NKAIN2: variants seen among roughly 807,000 people sequenced by gnomAD.
NKAIN2 encodes the protein sodium/potassium transporting ATPase interacting 2.
In NKAIN2, 14 loss-of-function variants were observed where a neutral mutation model predicts 32.6. The ratio of observed to expected loss-of-function variants is 0.43; its 90% confidence interval spans 0.28 to 0.67. NKAIN2 has a LOEUF of 0.67. NKAIN2 is among the 30% of genes least tolerant of loss of function. The pLI, the probability that NKAIN2 is intolerant of heterozygous loss-of-function variation, is 0.17. For synonymous variants in NKAIN2, 80 were observed against 87.2 expected (o/e 0.92, Z 0.46); for missense variants, 198 against 258.3 (o/e 0.77, Z 1.60).
intron 4 of NKAIN2, among the ~76,000 whole-genome samples, chr6:124,737,254 T>TGGTTA (rs1776993608): frequency 6.6e-6 from 1 of 151,824 alleles, no homozygotes; most frequent in Admixed American, 6.6e-5. Flanking sequence ...ATCACAGGGA[T>TGGTTA]GGTTACCTCC....
At chr6:124,579,597 A>G (rs1781451707) in intron 3 of NKAIN2, among the ~76,000 whole-genome samples, 2 of 152,132 alleles carry the variant, frequency 1.3e-5, no homozygotes, top group South Asian at 2.1e-4. Context: ...AATATCCTCA[A>G]AAGTGCAAAT....
At chr6:124,211,232 T>C (rs1474324875) in intron 1 of NKAIN2, among the ~76,000 whole-genome samples, 7 of 151,868 alleles carry the variant, frequency 4.6e-5, no homozygotes, top group Admixed American at 4.6e-4. Context: ...TCCTTCCTCA[T>C]GAGCAATATA....
At chr6:124,220,819 T>C (rs1376604650) in intron 1 of NKAIN2, among the ~76,000 whole-genome samples, 1 of 152,090 alleles carries the variant, frequency 6.6e-6, no homozygotes, top group Non-Finnish European at 1.5e-5. Flanking sequence ...TCCTGGGATA[T>C]ACTAGGAGCT....
At chr6:123,977,818 G>A (rs1778708261) in intron 1 of NKAIN2, among the ~76,000 whole-genome samples, 1 of 152,076 alleles carries the variant, frequency 6.6e-6, no homozygotes, top group Non-Finnish European at 1.5e-5. Context: ...GTATTTCTCT[G>A]TCTTGATTCA....
At chr6:123,871,604 G>A (rs1416729581) in intron 1 of NKAIN2, among the ~76,000 whole-genome samples, 1 of 152,072 alleles carries the variant, frequency 6.6e-6, no homozygotes, top group Non-Finnish European at 1.5e-5. Flanking sequence ...GAAAAAGGGG[G>A]CATAGGAGAT....
intron 1 of NKAIN2, among the ~76,000 whole-genome samples, chr6:123,967,339 A>G (rs1778129605): frequency 6.6e-6 from 1 of 152,242 alleles, no homozygotes; most frequent in African/African-American, 2.4e-5. Context: ...ATCAGTTGTC[A>G]GTATAATTGG....
intron 3 of NKAIN2, among the ~76,000 whole-genome samples, chr6:124,505,114 G>A (rs941618298): frequency 6.6e-5 from 10 of 152,130 alleles, no homozygotes; most frequent in African/African-American, 2.2e-4. Flanking sequence ...ATTCATACAA[G>A]ATAACATTTA....
intron 1 of NKAIN2, among the ~76,000 whole-genome samples, chr6:124,080,454 G>A (rs1334389226): frequency 6.6e-6 from 1 of 151,926 alleles, no homozygotes; most frequent in Non-Finnish European, 1.5e-5. Flanking sequence ...AATGTCACAG[G>A]TCTCACAGTT....
intron 2 of NKAIN2, among the ~76,000 whole-genome samples, chr6:124,302,082 C>T (rs907524453): frequency 3.9e-5 from 6 of 152,158 alleles, no homozygotes; most frequent in African/African-American, 1.4e-4. Context: ...TCATGGGGGC[C>T]ACTTCCCCCA....
In NKAIN2 at chr6:124,094,567, A is replaced by G. The variant is rs73563136; in HGVS notation, c.55-188438A>G. ...GAGTAAAGAAGATCAGAGATCAGTA[A>G]TTTGTTAGAATTTCAGCTTTAATTG... On this transcript the variant is annotated intron_variant, in intron 1 of 6. Transcript: ENST00000368417. 9.9e-3 allele frequency among the ~76,000 whole-genome samples: 1,504 copies of G among 152,236 alleles called. 20 individuals carry two copies. The highest frequency in any genetic ancestry group is 0.035 in the African/African-American group (1,434 of 41,556).
At chr6:123,968,323 G>A (rs964299075) in intron 1 of NKAIN2, among the ~76,000 whole-genome samples, 1 of 152,102 alleles carries the variant, frequency 6.6e-6, no homozygotes, top group African/African-American at 2.4e-5. Flanking sequence ...AGGAGCCACG[G>A]GTGCTATTAC....
intron 1 of NKAIN2, among the ~76,000 whole-genome samples, chr6:123,818,571 T>A (rs1307700074): frequency 6.6e-6 from 1 of 152,202 alleles, no homozygotes; most frequent in Non-Finnish European, 1.5e-5. Flanking sequence ...GAGATTTATC[T>A]TTTTAAATTA....
intron 2 of NKAIN2, among the ~76,000 whole-genome samples, chr6:124,318,190 A>G (rs150426675): frequency 6.6e-6 from 1 of 152,218 alleles, no homozygotes; most frequent in East Asian, 1.9e-4. Context: ...AAAAAATGCT[A>G]TTAGAGGACC....
At chr6:124,587,365 G>T (rs1207416634) in intron 3 of NKAIN2, among the ~76,000 whole-genome samples, 1 of 151,790 alleles carries the variant, frequency 6.6e-6, no homozygotes, top group East Asian at 1.9e-4. Context: ...AATTACAGGC[G>T]CATGCCACCA....
At chr6:124,792,175 A>T (rs867492435) in intron 5 of NKAIN2, among the ~76,000 whole-genome samples, 2 of 152,274 alleles carry the variant, frequency 1.3e-5, no homozygotes, top group Middle Eastern at 3.4e-3. Context: ...CTGAGGAAAA[A>T]TCAGAATTGG....
intron 4 of NKAIN2, among the ~76,000 whole-genome samples, chr6:124,684,616 T>C (rs1773775394): frequency 6.6e-6 from 1 of 152,172 alleles, no homozygotes; most frequent in African/African-American, 2.4e-5. Context: ...ACAAATTTAA[T>C]CATTGTAATG....
intron 4 of NKAIN2, among the ~76,000 whole-genome samples, chr6:124,711,120 G>C (rs1327910708): frequency 1.3e-4 from 19 of 141,708 alleles, no homozygotes; most frequent in African/African-American, 3.2e-4. Context: ...GAAATTCTGG[G>C]TTGAAAATTC....
intron 1 of NKAIN2, among the ~76,000 whole-genome samples, chr6:123,819,119 T>C (rs1773818153): frequency 6.6e-6 from 1 of 152,176 alleles, no homozygotes; most frequent in Non-Finnish European, 1.5e-5. Flanking sequence ...TAACTCAGAA[T>C]ACATTCTTTA....
chr6:123,883,728 A>T (rs1008191879), intron 1 of NKAIN2, among the ~76,000 whole-genome samples: 3 of 150,360 alleles, frequency 2.0e-5, no homozygotes, highest in Non-Finnish European at 4.4e-5. Context: ...GTACATTTTA[A>T]AAAAATGTAC....
Sources: gnomAD v4.1 joint callset for allele counts (sites outside exome capture counted in the v4.1 genomes callset) on GRCh38, gnomAD v4.1.1 for gene constraint, MANE v1.5 for transcripts, NCBI Gene and HGNC (gene_info 2026-07-23, HGNC 2026-07-21) for gene names.